Variants in PRKG1 observed in about 807,000 individuals in gnomAD.
PRKG1 encodes cGMP-dependent protein kinase 1.
Under a neutral mutation model 88.1 loss-of-function variants are expected in PRKG1, and 35 were observed. The observed-to-expected ratio is 0.40, with a 90% CI of 0.30 to 0.53. PRKG1 has a LOEUF of 0.53. Among genes scored for constraint, PRKG1 ranks in the 20% least tolerant of loss-of-function variants. The pLI is 0.59. For synonymous variants in PRKG1, 303 were observed against 292.5 expected (o/e 1.04, Z -0.37); for missense variants, 540 against 839.8 (o/e 0.64, Z 4.41).
At chr10:51,342,092 G>T (rs1383959569) in intron 2 of PRKG1, among the ~76,000 whole-genome samples, 2 of 152,204 alleles carry the variant, frequency 1.3e-5, no homozygotes, top group Non-Finnish European at 2.9e-5. Flanking sequence ...AAGCAGAGCT[G>T]AAGATGACAC....
chr10:51,550,972 G>C (rs1181226086), intron 3 of PRKG1, among the ~76,000 whole-genome samples: 2 of 151,900 alleles, frequency 1.3e-5, no homozygotes, highest in Non-Finnish European at 2.9e-5. Context: ...CTAGGAGGAT[G>C]CTTAAACCTT....
chr10:52,118,725 G>A (rs1847746601), intron 7 of PRKG1, among the ~76,000 whole-genome samples: 1 of 151,992 alleles, frequency 6.6e-6, no homozygotes, highest in East Asian at 1.9e-4. Flanking sequence ...CTGCTTTTGA[G>A]TCACAGTTAA....
At chr10:52,206,838 T>G (rs1839832939) in intron 9 of PRKG1, among the ~76,000 whole-genome samples, 1 of 151,922 alleles carries the variant, frequency 6.6e-6, no homozygotes, top group Non-Finnish European at 1.5e-5. Context: ...CTGATGGGGG[T>G]TGCCAACCAA....
At chr10:51,375,318 C>G (rs1339851561) in intron 2 of PRKG1, among the ~76,000 whole-genome samples, 1 of 152,034 alleles carries the variant, frequency 6.6e-6, no homozygotes, top group East Asian at 1.9e-4. Context: ...AATAAAACAG[C>G]TAGAATAGTG....
intron 3 of PRKG1, among the ~76,000 whole-genome samples, chr10:51,597,268 G>A (rs1465308495): frequency 2.0e-5 from 3 of 151,622 alleles, no homozygotes; most frequent in Non-Finnish European, 4.4e-5. Context: ...ATTCATTGTT[G>A]GTAAAACATT....
intron 10 of PRKG1, among the ~76,000 whole-genome samples, chr10:52,269,478 G>T (rs1024719626): frequency 6.6e-6 from 1 of 152,042 alleles, no homozygotes; most frequent in Non-Finnish European, 1.5e-5. Context: ...TTTATTTGCA[G>T]TATCTTCATG....
At chr10:52,243,191 G>A (rs1840912459) in intron 9 of PRKG1, among the ~76,000 whole-genome samples, 1 of 152,136 alleles carries the variant, frequency 6.6e-6, no homozygotes, top group Admixed American at 6.6e-5. Flanking sequence ...GAACACGTAA[G>A]TGCTTAGCTG....
intron 2 of PRKG1, among the ~76,000 whole-genome samples, chr10:51,465,720 C>T (rs1445173814): frequency 6.6e-6 from 1 of 152,170 alleles, no homozygotes; most frequent in Non-Finnish European, 1.5e-5. Context: ...CAAATTCTTT[C>T]TCCACTGGGC....
At chr10:51,459,330 A>G (rs1482944616) in intron 2 of PRKG1, among the ~76,000 whole-genome samples, 6 of 152,102 alleles carry the variant, frequency 3.9e-5, no homozygotes, top group Non-Finnish European at 7.4e-5. Flanking sequence ...CTTTTTACCA[A>G]GTCTTTCAGT....
At chr10:51,113,727 T>TAAA (rs1348646487) in intron 1 of PRKG1, among the ~76,000 whole-genome samples, 2 of 24,672 alleles carry the variant, frequency 8.1e-5, no homozygotes, top group Non-Finnish European at 9.2e-5. Flanking sequence ...AGCATTCTAT[T>TAAA]TAAAAAAAAA....
chr10:52,079,809 C>T (rs191115085), intron 7 of PRKG1, among the ~76,000 whole-genome samples: 4 of 152,134 alleles, frequency 2.6e-5, no homozygotes, highest in Admixed American at 6.5e-5. Flanking sequence ...TTTAGTCTTC[C>T]AGATTATTGA....
At chr10:51,408,054 A>C (rs528136741) in intron 2 of PRKG1, among the ~76,000 whole-genome samples, 3 of 152,318 alleles carry the variant, frequency 2.0e-5, no homozygotes, top group African/African-American at 7.2e-5. Flanking sequence ...AACAGGAAGC[A>C]AAAATTTTGC....
At chr10:51,682,582 G>A (rs1264727210) in intron 3 of PRKG1, among the ~76,000 whole-genome samples, 1 of 152,102 alleles carries the variant, frequency 6.6e-6, no homozygotes, top group African/African-American at 2.4e-5. Flanking sequence ...TGGTTGGTTG[G>A]TTGTTTTTTA....
intron 5 of PRKG1, among the ~76,000 whole-genome samples, chr10:51,915,968 G>T (rs1001179907): frequency 1.3e-5 from 2 of 152,138 alleles, no homozygotes; most frequent in Admixed American, 6.5e-5. Context: ...TATTGGCAAG[G>T]ATATAGAGAA....
intron 3 of PRKG1, among the ~76,000 whole-genome samples, chr10:51,687,424 T>C (rs937330408): frequency 3.9e-5 from 6 of 152,212 alleles, no homozygotes; most frequent in African/African-American, 1.4e-4. Flanking sequence ...TGTTGAGGGT[T>C]TATTCACACT....
rs570451671 is a variant in PRKG1, at chr10:51,205,919, G to C, written c.478+52589G>C. ...TGAGAATTCTCTAGTATACTTGTAA[G>C]GGTATACTAAGTGAGAAGGATAAAC... On this transcript the variant is annotated intron_variant, in intron 2 of 17. Coordinates refer to ENST00000373980, the MANE Select transcript of PRKG1 (RefSeq NM_006258.4). Among the ~76,000 whole-genome samples, 119 of 152,232 alleles carry C rather than the reference G, an allele frequency of 7.8e-4. 1 individual carries two copies. Among genetic ancestry groups the C allele is most frequent in the Non-Finnish European group, 1.3e-3 (88 of 68,016 alleles).
At chr10:52,261,461 ACT>A (rs1341817624) in intron 10 of PRKG1, among the ~76,000 whole-genome samples, 1 of 151,000 alleles carries the variant, frequency 6.6e-6, no homozygotes, top group Non-Finnish European at 1.5e-5. Flanking sequence ...GTTATACCTG[ACT>A]CTGTGTGTGT....
chr10:51,145,425 CA>C (rs1441841838), intron 1 of PRKG1, among the ~76,000 whole-genome samples: 1 of 150,612 alleles, frequency 6.6e-6, no homozygotes. Flanking sequence ...CTTAATAGAT[CA>C]GGCCACATAG....
intron 1 of PRKG1, among the ~76,000 whole-genome samples, chr10:51,077,022 T>A (rs1332019459): frequency 2.6e-5 from 4 of 152,160 alleles, no homozygotes; most frequent in African/African-American, 9.7e-5. Flanking sequence ...TGTTCTTTTT[T>A]CACACTTACA....
Sources: allele counts gnomAD v4.1 joint callset (sites outside exome capture counted in the v4.1 genomes callset), GRCh38; gene constraint gnomAD v4.1.1; transcripts MANE v1.5; gene names NCBI Gene and HGNC (gene_info 2026-07-23, HGNC 2026-07-21).